The following RBMS3 variants were observed in gnomAD, a reference collection of about 807,000 sequenced individuals.
RBMS3 encodes RNA-binding motif, single-stranded-interacting protein 3.
RBMS3 carries 27 observed loss-of-function variants against 66.8 expected under a neutral mutation model. That is an observed-to-expected ratio of 0.40 (90% confidence interval 0.30 to 0.56). RBMS3 has a LOEUF of 0.56. Ranked by LOEUF, RBMS3 falls within the 20% of genes least tolerant of loss-of-function variation. The pLI, the probability that RBMS3 is intolerant of heterozygous loss-of-function variation, is 0.40. For synonymous variants in RBMS3, 188 were observed against 183.0 expected (o/e 1.03, Z -0.22); for missense variants, 513 against 549.5 (o/e 0.93, Z 0.66).
intron 4 of RBMS3, chr3:29,698,557 T>A: frequency 1.0e-6 from 1 of 985,374 alleles, no homozygotes; most frequent in South Asian, 4.7e-5. Context: ...AATGAAATAG[T>A]ATTTCATAAC....
At chr3:29,779,730 AC>A (rs1267334279) in intron 6 of RBMS3, among the ~76,000 whole-genome samples, 1 of 70,730 alleles carries the variant, frequency 1.4e-5, no homozygotes, top group East Asian at 2.1e-4. Context: ...TATATAAACA[AC>A]CCCAAATTTT....
At chr3:29,710,233 A>T (rs914741561) in intron 4 of RBMS3, among the ~76,000 whole-genome samples, 4 of 152,092 alleles carry the variant, frequency 2.6e-5, no homozygotes, top group African/African-American at 9.7e-5. Flanking sequence ...ATTAATGCAT[A>T]TTTTTATCTT....
chr3:29,758,866 A>G (rs1261677456), intron 5 of RBMS3, among the ~76,000 whole-genome samples: 2 of 152,208 alleles, frequency 1.3e-5, no homozygotes, highest in East Asian at 3.9e-4. Flanking sequence ...CTGGCTTACA[A>G]CGTTAGATAC....
In RBMS3 at chr3:29,977,839, T is replaced by C. The variant is rs574633919; in HGVS notation, c.1099-10304T>C. ...CCCATTAACCCCTATATCTGAAATA[T>C]GCAAAATAAAAAACTTGTGTTCATG... is the stretch of plus-strand genomic sequence containing the variant. On this transcript the variant is annotated intron_variant, in intron 12 of 14. Coordinates refer to ENST00000383767, the MANE Select transcript of RBMS3 (RefSeq NM_001003793.3). Among the ~76,000 whole-genome samples, 6 of 152,028 alleles carry C rather than the reference T, an allele frequency of 3.9e-5. No homozygotes were observed. In the South Asian group the frequency reaches 1.0e-3, roughly 26 times the overall value.
chr3:29,671,199 G>C (rs937319296), intron 4 of RBMS3, among the ~76,000 whole-genome samples: 20 of 152,192 alleles, frequency 1.3e-4, no homozygotes, highest in Non-Finnish European at 2.5e-4. Flanking sequence ...CTGACTGTTA[G>C]AAGGAAAACT....
chr3:29,476,632 G>A (rs2042957684), intron 2 of RBMS3, among the ~76,000 whole-genome samples: 1 of 152,070 alleles, frequency 6.6e-6, no homozygotes, highest in Non-Finnish European at 1.5e-5. Flanking sequence ...AATAGCTGTG[G>A]TCTCTTTCAC....
intron 3 of RBMS3, among the ~76,000 whole-genome samples, chr3:29,579,837 G>C (rs572934238): frequency 5.9e-4 from 90 of 152,266 alleles, no homozygotes; most frequent in Middle Eastern, 3.4e-3. Context: ...ATAAAATAAT[G>C]GTTGGTCTTT....
At chr3:29,795,396 C>T (rs1220196116) in intron 6 of RBMS3, among the ~76,000 whole-genome samples, 1 of 152,208 alleles carries the variant, frequency 6.6e-6, no homozygotes, top group Admixed American at 6.5e-5. Flanking sequence ...TTCAGGTTAA[C>T]TACATACGTG....
chr3:29,498,797 C>A (rs1211498387), intron 3 of RBMS3, among the ~76,000 whole-genome samples: 2 of 152,132 alleles, frequency 1.3e-5, no homozygotes, highest in African/African-American at 4.8e-5. Flanking sequence ...TAGGAACCAA[C>A]TTGTTTAGAG....
intron 2 of RBMS3, among the ~76,000 whole-genome samples, chr3:29,476,823 G>A (rs926865259): frequency 4.6e-5 from 7 of 151,914 alleles, no homozygotes; most frequent in Non-Finnish European, 8.8e-5. Flanking sequence ...TTTGCCTTTT[G>A]TGGGTTCTGA....
chr3:29,965,966 C>A (rs1484373749), intron 12 of RBMS3, among the ~76,000 whole-genome samples: 1 of 152,154 alleles, frequency 6.6e-6, no homozygotes, highest in Non-Finnish European at 1.5e-5. Flanking sequence ...TATCCCAGCA[C>A]CATTTGTTGA....
intron 4 of RBMS3, among the ~76,000 whole-genome samples, chr3:29,727,907 T>C (rs113957000): frequency 0.11 from 16,774 of 152,092 alleles, 1,744 homozygotes; most frequent in African/African-American, 0.28. Context: ...CACATGCACA[T>C]GTATGTTTAT....
At chr3:29,405,631 C>T (rs1227630176) in intron 1 of RBMS3, among the ~76,000 whole-genome samples, 2 of 152,112 alleles carry the variant, frequency 1.3e-5, no homozygotes, top group Non-Finnish European at 2.9e-5. Context: ...CACACACACA[C>T]TTACGAACTT....
chr3:29,641,845 C>G (rs941683537), intron 4 of RBMS3, among the ~76,000 whole-genome samples: 3 of 152,016 alleles, frequency 2.0e-5, no homozygotes, highest in African/African-American at 7.2e-5. Context: ...CCATGAAGAG[C>G]AGAGGCACAG....
intron 1 of RBMS3, among the ~76,000 whole-genome samples, chr3:29,420,133 G>T (rs17023466): frequency 0.052 from 7,862 of 152,242 alleles, 333 homozygotes; most frequent in African/African-American, 0.11. Flanking sequence ...CTGTTGGCTG[G>T]TGAATAAGGA....
intron 5 of RBMS3, among the ~76,000 whole-genome samples, chr3:29,754,685 G>C (rs2055329324): frequency 6.6e-6 from 1 of 152,152 alleles, no homozygotes; most frequent in African/African-American, 2.4e-5. Flanking sequence ...GGCCACCCAG[G>C]AGCCTAGATT....
chr3:29,592,211 CA>C (rs950767658), intron 4 of RBMS3, among the ~76,000 whole-genome samples: 4 of 149,414 alleles, frequency 2.7e-5, no homozygotes, highest in African/African-American at 9.9e-5. Flanking sequence ...CACACACACA[CA>C]CAATGAATTT....
intron 6 of RBMS3, among the ~76,000 whole-genome samples, chr3:29,784,719 T>A (rs2149416002): frequency 6.6e-6 from 1 of 151,482 alleles, no homozygotes; most frequent in Admixed American, 6.6e-5. Context: ...AAACAAAAAA[T>A]ATAAAAAGAT....
At chr3:29,896,007 G>A (rs896640281) in intron 8 of RBMS3, among the ~76,000 whole-genome samples, 3 of 151,318 alleles carry the variant, frequency 2.0e-5, no homozygotes, top group African/African-American at 7.3e-5. Flanking sequence ...GGTCTGGTGA[G>A]TATGGATAGT....
Sources: gnomAD v4.1 joint callset for allele counts (sites outside exome capture counted in the v4.1 genomes callset) on GRCh38, gnomAD v4.1.1 for gene constraint, MANE v1.5 for transcripts, NCBI Gene and HGNC (gene_info 2026-07-23, HGNC 2026-07-21) for gene names.